OXNAD1: variants seen among roughly 807,000 people sequenced by gnomAD.
The protein encoded by OXNAD1 is oxidoreductase NAD-binding domain-containing protein 1.
OXNAD1 carries 34 observed loss-of-function variants against 32.9 expected under a neutral mutation model. The ratio of observed to expected loss-of-function variants is 1.03; its 90% CI spans 0.79 to 1.38. OXNAD1 has a LOEUF of 1.38. Among genes scored for constraint, OXNAD1 ranks in the 40% most tolerant of loss-of-function variants. OXNAD1 has a pLI of 0.00. For synonymous variants in OXNAD1, 134 were observed against 135.2 expected, an observed-to-expected ratio of 0.99 and a Z score of 0.06; for missense variants, 407 against 379.4, an observed-to-expected ratio of 1.07 and a Z score of -0.60.
chr3:16,350,733 C>A (rs142625559), downstream of OXNAD1, among the ~76,000 whole-genome samples: 3 of 152,174 alleles, frequency 2.0e-5, 1 homozygote, highest in Middle Eastern at 6.8e-3. Flanking sequence ...ATTCCTGGGC[C>A]TTTCATGGGA....
chr3:16,302,875 A>G lies in OXNAD1; in HGVS notation c.784+127A>G, dbSNP rs1024200940. The stretch of plus-strand genomic sequence containing the variant: ...GAATGTCACTATCTGGGGAATTGGG[A>G]TGATTCCTCATGGAAAAATGGATAT... On this transcript the variant is annotated intron_variant, in intron 8 of 8. Transcript: ENST00000285083. This position sits in a 1 kb window ranked among gnomAD's most constrained non-coding sequence, Gnocchi z 4.2. 7.4e-5 allele frequency: 53 copies of G among 718,918 alleles called. No individual in the cohort carries two copies. Among genetic ancestry groups the G allele is most frequent in the Non-Finnish European group, 1.1e-4 (47 of 416,226 alleles). 44.5% of individuals were successfully genotyped at this position (718,918 alleles called of 1,614,324 possible). A position where few individuals can be genotyped will look rare whatever the true frequency, so the allele number is the denominator to read the frequency against.
rs1476543488 is a variant in OXNAD1 at position 16,336,322 on chromosome 3, A to G, written c.*31-790A>G. ...CTTCTGCCCCAGGAGATCCCAGTCT[A>G]GGGGTGGGGAGAACAAGCACATGGT... On this transcript the variant is annotated intron_variant, in intron 9 of 9. Transcript: ENST00000435829. This position sits in a 1 kb window ranked among gnomAD's most constrained non-coding sequence, Gnocchi z 6.0. 1.3e-5 allele frequency among the ~76,000 whole-genome samples: 2 copies of G among 152,096 alleles called. No individual in the cohort carries two copies. The highest frequency in any genetic ancestry group is 2.9e-5 in the Non-Finnish European group (2 of 68,008).
At position 16,345,699 on chromosome 3, in the gene OXNAD1, G is replaced by A. The variant is rs2071609192; in HGVS notation, c.*31-3477G>A. ...TCTCAGGCCTCTGAACCATACCACT[G>A]GCTTTCCTGGGTCTCCAGCTTGCAG... On this transcript the variant is annotated intron_variant, in intron 9 of 9. Transcript: ENST00000606098. This position sits in a 1 kb window ranked among gnomAD's most constrained non-coding sequence, Gnocchi z 5.2. 1.3e-5 allele frequency among the ~76,000 whole-genome samples: 2 copies of A among 151,984 alleles called. No homozygotes were observed. Among genetic ancestry groups the A allele is most frequent in the African/African-American group, 4.8e-5 (2 of 41,342 alleles).
At position 16,304,210 on chromosome 3, in the gene OXNAD1, C is replaced by T. The variant is rs369789831; in HGVS notation, c.*648C>T. The stretch of plus-strand genomic sequence containing the variant: ...TTGTTAGTTTCTTCTCAAATGAAAC[C>T]CTTTCTGTGTCTTGGCTGTCTGCCT... On this transcript the variant is annotated 3_prime_UTR_variant, in exon 9 of 9. Transcript: ENST00000285083. The surrounding 1 kb of genome is among the most constrained non-coding windows in gnomAD (Gnocchi z 4.6). The T allele has an allele frequency of 2.0e-5, 3 of 152,292 alleles. No individual in the cohort carries two copies. The highest frequency in any genetic ancestry group is 4.1e-4 in the South Asian group (2 of 4,826). The allele number at this position is 152,292 out of a possible 1,614,324, so 9.4% of individuals were successfully genotyped here.
chr3:16,309,179 ATATACT>A (rs2067783009), downstream of OXNAD1, among the ~76,000 whole-genome samples: 1 of 152,210 alleles, frequency 6.6e-6, no homozygotes, highest in South Asian at 2.1e-4. Context: ...ATATACCATA[ATATACT>A]TAACCATATC....
intron 9 of OXNAD1, among the ~76,000 whole-genome samples, chr3:16,326,502 C>T (rs978099821): frequency 6.6e-6 from 1 of 152,222 alleles, no homozygotes; most frequent in Non-Finnish European, 1.5e-5. Flanking sequence ...GCTCTGAGCC[C>T]TCTCAGTCTG....
In OXNAD1 at chr3:16,317,628, A is replaced by C. The variant is rs553221609; in HGVS notation, c.*30+14036A>C. Among the ~76,000 whole-genome samples the C allele has an allele frequency of 6.6e-6, 1 of 152,294 alleles. No individual in the cohort carries two copies. The highest frequency in any genetic ancestry group is 6.5e-5 in the Admixed American group (1 of 15,306). ...GCTGCAGCTACTCATTTCCATTCTG[A>C]GCAGGCTGAGGATTACCAGGCACGG... On this transcript the variant is annotated intron_variant, in intron 9 of 9. Transcript: ENST00000435829. The surrounding 1 kb of genome is among the most constrained non-coding windows in gnomAD (Gnocchi z 4.3).
Position 16,321,034 on chromosome 3 carries a change from G to A in OXNAD1, c.*31-16078G>A, listed in dbSNP as rs1231839886. Among the ~76,000 whole-genome samples the A allele has an allele frequency of 2.6e-5, 4 of 152,124 alleles. No individual in the cohort carries two copies. Among genetic ancestry groups the A allele is most frequent in the South Asian group, 2.1e-4 (1 of 4,820 alleles). On this transcript the variant is annotated intron_variant, in intron 9 of 9. Transcript: ENST00000435829. This position sits in a 1 kb window ranked among gnomAD's most constrained non-coding sequence, Gnocchi z 4.8. ...GAAGTGGAGGGATTCCAGAGCCTCC[G>A]GGACCTAACACAGATGGGTCTTAAG... is the stretch of plus-strand genomic sequence containing the variant.
chr3:16,276,072 G>T (rs969542749), intron 4 of OXNAD1: 1 of 157,102 alleles, frequency 6.4e-6, no homozygotes, highest in Non-Finnish European at 1.4e-5. Flanking sequence ...GGCAGAGGTT[G>T]CAGTGAGCCA....
At chr3:16,275,191 T>C (rs539840253) in intron 4 of OXNAD1, 91 of 165,762 alleles carry the variant, frequency 5.5e-4, no homozygotes, top group Non-Finnish European at 1.1e-3. Flanking sequence ...TTGTTGTTTG[T>C]AGGTCAGGAA....
Position 16,345,829 on chromosome 3 carries a change from T to TGTGTGTGTGTGTGTGTGC in OXNAD1, c.*31-3346_*31-3345insTGTGTGTGTGTGTGTGCG, listed in dbSNP as rs758493435. ...GTGTGTGTGTGTGTGCGCGCGCGCG[T>TGTGTGTGTGTGTGTGTGC]GCGCGCACGCGCACATGTGCATGTG... is the stretch of plus-strand genomic sequence containing the variant. On this transcript the variant is annotated intron_variant, in intron 9 of 9. Transcript: ENST00000606098. The surrounding 1 kb of genome is among the most constrained non-coding windows in gnomAD (Gnocchi z 5.2). Among the ~76,000 whole-genome samples, 1 of 69,826 alleles carries TGTGTGTGTGTGTGTGTGC rather than the reference T, an allele frequency of 1.4e-5. No homozygotes were observed. Among genetic ancestry groups the TGTGTGTGTGTGTGTGTGC allele is most frequent in the African/African-American group, 5.3e-5 (1 of 18,858 alleles). 45.8% of individuals were successfully genotyped at this position (69,826 alleles called of 152,430 possible).
At chr3:16,282,152 C>G (rs564718212) in intron 4 of OXNAD1, among the ~76,000 whole-genome samples, 2 of 145,098 alleles carry the variant, frequency 1.4e-5, no homozygotes, top group South Asian at 4.3e-4. Context: ...CAAAATACTT[C>G]TGTAAATGTA....
chr3:16,270,389 G>A (rs1490460737), intron 2 of OXNAD1, among the ~76,000 whole-genome samples: 2 of 152,196 alleles, frequency 1.3e-5, no homozygotes, highest in East Asian at 3.8e-4. Context: ...ATATCTTACT[G>A]TGTGAATGTA....
chr3:16,272,647 C>CTTT (rs35628992), intron 4 of OXNAD1, among the ~76,000 whole-genome samples: 14 of 112,744 alleles, frequency 1.2e-4, no homozygotes, highest in Admixed American at 1.8e-4. Context: ...GCTTAAAGTT[C>CTTT]TTTTTTTTTT....
rs985056515 is a variant in OXNAD1 at position 16,301,797 on chromosome 3, A to G, written c.604A>G (p.Arg202Gly). The change falls in exon 7 of 9, where the codon AGA becomes GGA. Residue 202 changes from arginine (R) to glycine (G), a missense_variant. Physicochemically the swap from Arg to Gly is moderately radical, Grantham distance 125 (BLOSUM62 -2). Transcript: ENST00000285083. The surrounding 1 kb of genome is among the most constrained non-coding windows in gnomAD (Gnocchi z 4.1). ...ADLLREQANKRNGYEIGTIKL... is the reference protein window; with the variant it reads ...ADLLREQANKGNGYEIGTIKL... ...TCTCCTCAGAGAGCAGGCAAACAAAAGAAATGGATATGAGATAGGAACAAT... is the reference window on the plus strand; with the variant it reads ...TCTCCTCAGAGAGCAGGCAAACAAAGGAAATGGATATGAGATAGGAACAAT... 10 of 1,614,024 alleles carry G rather than the reference A, an allele frequency of 6.2e-6. No individual in the cohort carries two copies. The highest frequency in any genetic ancestry group is 4.0e-5 in the African/African-American group (3 of 74,926).
At position 16,303,004 on chromosome 3, in the gene OXNAD1, A is replaced by G. The variant is rs1407551772; in HGVS notation, c.784+256A>G. Among the ~76,000 whole-genome samples, 6 of 152,374 alleles carry G rather than the reference A, an allele frequency of 3.9e-5. No individual in the cohort carries two copies. In the East Asian group the frequency reaches 1.2e-3, roughly 29 times the overall value. On this transcript the variant is annotated intron_variant, in intron 8 of 8. Coordinates refer to ENST00000285083, the MANE Select transcript of OXNAD1 (RefSeq NM_138381.5). This position sits in a 1 kb window ranked among gnomAD's most constrained non-coding sequence, Gnocchi z 4.8. ...TTTGCATCATCACTGTAGTGTCCAT[A>G]CAAATAATTTATATTCCAGATTTGG... is the stretch of plus-strand genomic sequence containing the variant.
At position 16,312,040 on chromosome 3, in the gene OXNAD1, GGCTGGGGAAGCAAGCACCA is replaced by G. The variant is rs898431407; in HGVS notation, c.*30+8451_*30+8469del. 2.6e-5 allele frequency among the ~76,000 whole-genome samples: 4 copies of G among 152,142 alleles called. No homozygotes were observed. The highest frequency in any genetic ancestry group is 1.3e-4 in the Admixed American group (2 of 15,278). ...GAGGGACATGCCGCTGTTGTGCAAG[GGCTGGGGAAGCAAGCACCA>G]GCCAGGTTCAGAGAGCCATTCATCT... On this transcript the variant is annotated intron_variant, in intron 9 of 9. Transcript: ENST00000435829. This position sits in a 1 kb window ranked among gnomAD's most constrained non-coding sequence, Gnocchi z 4.7.
In OXNAD1 at chr3:16,271,278, A is replaced by C. The variant is rs2064918713; in HGVS notation, c.119+207A>C. On this transcript the variant is annotated intron_variant, in intron 3 of 8. Transcript: ENST00000285083. This position sits in a 1 kb window ranked among gnomAD's most constrained non-coding sequence, Gnocchi z 4.6. ...GAGTGCAGTGGCACGATCTTAGCTC[A>C]CTGCAACCTCCACCTCCTGGATTCA... The C allele has an allele frequency of 3.3e-6, 2 of 597,404 alleles. No homozygotes were observed. Among genetic ancestry groups the C allele is most frequent in the Non-Finnish European group, 5.8e-6 (2 of 347,468 alleles). The allele number at this position is 597,404 out of a possible 1,614,324, so 37.0% of individuals were successfully genotyped here.
intron 9 of OXNAD1, among the ~76,000 whole-genome samples, chr3:16,343,663 TCTG>T (rs1246623194): frequency 6.6e-6 from 1 of 152,238 alleles, no homozygotes; most frequent in African/African-American, 2.4e-5. Context: ...GTCAAAGATA[TCTG>T]TTCTAAGCAG....
Sources: allele counts gnomAD v4.1 joint callset (sites outside exome capture counted in the v4.1 genomes callset), GRCh38; gene constraint gnomAD v4.1.1; non-coding constraint Gnocchi (gnomAD v3.1); transcripts MANE v1.5; gene names NCBI Gene and HGNC (gene_info 2026-07-23, HGNC 2026-07-21).